Variants in CDH19 observed in about 807,000 individuals in gnomAD.
The protein encoded by CDH19 is cadherin-19.
A neutral mutation model predicts 64.2 loss-of-function variants in CDH19; 67 were observed. That is an observed-to-expected ratio of 1.04 (90% CI 0.86 to 1.28). The LOEUF (loss-of-function observed/expected upper bound fraction) is 1.28. Among genes scored for constraint, CDH19 ranks in the 50% most tolerant of loss-of-function variants. The pLI is 0.00. For missense variants in CDH19, 1,030 were observed against 929.0 expected (o/e 1.11, Z -1.41); for synonymous variants, 346 against 319.3 (o/e 1.08, Z -0.89).
intron 6 of CDH19, 89 bp from the exon 7 acceptor site, chr18:66,544,313 C>T: frequency 8.2e-7 from 1 of 1,226,414 alleles, no homozygotes; most frequent in Non-Finnish European, 1.1e-6. Flanking sequence ...TAAATTAAGT[C>T]TCAGTGGCCT....
At chr18:66,551,570 A>G (rs2144515244) in intron 4 of CDH19, among the ~76,000 whole-genome samples, 1 of 152,162 alleles carries the variant, frequency 6.6e-6, no homozygotes, top group Non-Finnish European at 1.5e-5. Context: ...CTTCTAACAT[A>G]ATATCGGCTT....
At chr18:66,521,745 G>A (rs1249161897) in intron 9 of CDH19, among the ~76,000 whole-genome samples, 3 of 151,624 alleles carry the variant, frequency 2.0e-5, no homozygotes, top group African/African-American at 7.3e-5. Flanking sequence ...CAGTGTGAAA[G>A]TCCAGTCCAG....
At chr18:66,550,082 T>C (rs1243176418) in intron 5 of CDH19, among the ~76,000 whole-genome samples, 1 of 152,192 alleles carries the variant, frequency 6.6e-6, no homozygotes, top group Non-Finnish European at 1.5e-5. Context: ...CTATGGTATA[T>C]ATTTTTATTG....
Position 66,544,719 on chromosome 18 carries a change from CT to C in CDH19, c.959del (p.Lys320ArgfsTer27), listed in dbSNP as rs1322953086. On this transcript the variant is annotated frameshift_variant and splice_region_variant, in exon 6 of 12. Coordinates refer to ENST00000262150, the MANE Select transcript of CDH19 (RefSeq NM_021153.4). LOFTEE classifies it high-confidence loss of function. ...AGGCAAATAATTTTAACATGTCTAC[CT>C]TTTTTAATATAACTATTCCTTCTTG... ...ETQEGIVILKKKVDFEHQNHY... is the reference protein window; with the variant it reads ...ETQEGIVILKXKVDFEHQNHY... The C allele has an allele frequency of 2.5e-6, 4 of 1,586,226 alleles. No homozygotes were observed. The highest frequency in any genetic ancestry group is 3.4e-6 in the Non-Finnish European group (4 of 1,162,818).
At chr18:66,514,279 G>A (rs920922080) in intron 9 of CDH19, among the ~76,000 whole-genome samples, 2 of 151,382 alleles carry the variant, frequency 1.3e-5, no homozygotes, top group African/African-American at 4.8e-5. Flanking sequence ...CATACAAAAT[G>A]ATACCGTAAA....
chr18:66,524,569 TAAACATCATCATGCACC>T (rs1986145802), intron 9 of CDH19, among the ~76,000 whole-genome samples: 3 of 135,150 alleles, frequency 2.2e-5, no homozygotes, highest in South Asian at 2.5e-4. Flanking sequence ...TATATATATA[TAAACATCATCATGCACC>T]ATAAATATGT....
chr18:66,550,370 A>G (rs2144511269), intron 5 of CDH19, among the ~76,000 whole-genome samples: 1 of 152,274 alleles, frequency 6.6e-6, no homozygotes, highest in African/African-American at 2.4e-5. Context: ...TCATTTTTAA[A>G]TGATTATCTA....
chr18:66,532,005 C>G (rs1380588479), intron 8 of CDH19, among the ~76,000 whole-genome samples: 3 of 152,022 alleles, frequency 2.0e-5, no homozygotes, highest in Non-Finnish European at 4.4e-5. Flanking sequence ...ATCTTTCTCT[C>G]TCTCAGGCTG....
chr18:66,518,278 G>A (rs1015793425), intron 9 of CDH19, among the ~76,000 whole-genome samples: 1 of 152,018 alleles, frequency 6.6e-6, no homozygotes, highest in African/African-American at 2.4e-5. Flanking sequence ...TTGTCACTCA[G>A]GCTTGAGTGC....
chr18:66,505,299 A>G lies in CDH19; in HGVS notation c.1832T>C (p.Phe611Ser), dbSNP rs140631556. 1.3e-6 allele frequency: 2 copies of G among 1,546,660 alleles called. No individual in the cohort carries two copies. The highest frequency in any genetic ancestry group is 8.7e-7 in the Non-Finnish European group (1 of 1,153,076). The change falls in exon 12 of 12, where the codon TTT becomes TCT. Residue 611 changes from phenylalanine (F) to serine (S), a missense_variant. Coordinates refer to ENST00000262150, the MANE Select transcript of CDH19 (RefSeq NM_021153.4). ...ILICIMIIFG[F>S]IFLTLGLKQR... Reference sequence around the variant, plus strand: ...TTTTAAACCCAAAGTCAAAAAAATAAACCCTGATGAAGAAAGCACATCAGA... The same window carrying G: ...TTTTAAACCCAAAGTCAAAAAAATAGACCCTGATGAAGAAAGCACATCAGA...
At chr18:66,515,255 C>A (rs1324518645) in intron 9 of CDH19, among the ~76,000 whole-genome samples, 1 of 151,608 alleles carries the variant, frequency 6.6e-6, no homozygotes, top group Non-Finnish European at 1.5e-5. Flanking sequence ...GCTAAAGATG[C>A]AGATTGTCTC....
chr18:66,579,774 T>C (rs1443866227), intron 1 of CDH19, among the ~76,000 whole-genome samples: 1 of 152,056 alleles, frequency 6.6e-6, no homozygotes, highest in Non-Finnish European at 1.5e-5. Context: ...TAAGGTATAA[T>C]ACATACTAAT....
In CDH19 at chr18:66,504,722, C is replaced by T. The variant is rs761921731; in HGVS notation, c.*90G>A. Reference sequence around the variant, plus strand: ...AAACTCCATAGACTAGGGCTTTCCCCGCCATAGAGCCAGGGCACAAAACTC... The same window carrying T: ...AAACTCCATAGACTAGGGCTTTCCCTGCCATAGAGCCAGGGCACAAAACTC... On this transcript the variant is annotated 3_prime_UTR_variant, in exon 12 of 12. Coordinates refer to ENST00000262150, the MANE Select transcript of CDH19 (RefSeq NM_021153.4). 6.5e-5 allele frequency: 88 copies of T among 1,360,968 alleles called. No individual in the cohort carries two copies. The highest frequency in any genetic ancestry group is 7.9e-5 in the Non-Finnish European group (79 of 1,004,190). The allele number at this position is 1,360,968 out of a possible 1,614,324, so 84.3% of individuals were successfully genotyped here.
chr18:66,587,383 ACTCT>A (rs1988607626), intron 1 of CDH19, among the ~76,000 whole-genome samples: 2 of 152,030 alleles, frequency 1.3e-5, no homozygotes, highest in Admixed American at 1.3e-4. Context: ...CCACTCCATC[ACTCT>A]AAGAAAAGCT....
chr18:66,600,809 C>T (rs910471769), intron 1 of CDH19, among the ~76,000 whole-genome samples: 5 of 151,618 alleles, frequency 3.3e-5, no homozygotes, highest in Non-Finnish European at 7.4e-5. Flanking sequence ...TCCTCATATG[C>T]CTACAGGGTT....
chr18:66,516,299 C>T (rs991595469), intron 9 of CDH19, among the ~76,000 whole-genome samples: 3 of 151,926 alleles, frequency 2.0e-5, no homozygotes, highest in African/African-American at 7.2e-5. Flanking sequence ...AATAGAGAAT[C>T]TAGTCCGCAA....
intron 7 of CDH19, 93 bp downstream of exon 7, chr18:66,543,878 C>G (rs1335496021): frequency 2.2e-6 from 2 of 915,526 alleles, no homozygotes; most frequent in South Asian, 2.0e-5. Flanking sequence ...GTGAGACTCC[C>G]TCTCAATTAA....
chr18:66,537,446 A>G (rs1986718347), intron 7 of CDH19, among the ~76,000 whole-genome samples: 1 of 152,024 alleles, frequency 6.6e-6, no homozygotes, highest in Admixed American at 6.6e-5. Flanking sequence ...CATGATGTTC[A>G]TCATATCTCA....
Position 66,571,922 on chromosome 18 carries a change from T to TCATCA in CDH19, c.195+87_195+88insTGATG, listed in dbSNP as rs1445087210. On this transcript the variant is annotated intron_variant, in intron 2 of 11. Transcript: ENST00000262150. Reference sequence around the variant, plus strand: ...CTTTTCAATGGCTTCACTGTAAAAATGTGGAACTCATCAAATCTCCAAACT... The same window carrying TCATCA: ...CTTTTCAATGGCTTCACTGTAAAAATCATCAGTGGAACTCATCAAATCTCCAAACT... The TCATCA allele has an allele frequency of 3.2e-6, 3 of 933,806 alleles. No individual in the cohort carries two copies. In the African/African-American group the frequency reaches 5.0e-5, roughly 16 times the overall value. The allele number at this position is 933,806 out of a possible 1,614,324, so 57.8% of individuals were successfully genotyped here.
Sources: gnomAD v4.1 joint callset for allele counts (sites outside exome capture counted in the v4.1 genomes callset) on GRCh38, gnomAD v4.1.1 for gene constraint, MANE v1.5 for transcripts, NCBI Gene and HGNC (gene_info 2026-07-23, HGNC 2026-07-21) for gene names.